VCL: variants seen among roughly 807,000 people sequenced by gnomAD.
VCL encodes the protein epididymis luminal protein 114.
A neutral mutation model predicts 125.7 loss-of-function variants in VCL; 47 were observed. The ratio of observed to expected loss-of-function variants is 0.37; its 90% CI spans 0.30 to 0.48. The LOEUF (loss-of-function observed/expected upper bound fraction) is 0.48, where lower values mean the gene tolerates loss of function less well. Ranked by LOEUF, VCL falls within the 20% of genes least tolerant of loss-of-function variation. The pLI is 0.99. For synonymous variants in VCL, 458 were observed against 514.6 expected (o/e 0.89, Z 1.49); for missense variants, 1,069 against 1,455.5 (o/e 0.73, Z 4.32).
intron 2 of VCL, among the ~76,000 whole-genome samples, chr10:74,064,986 A>G (rs1167552837): frequency 6.6e-6 from 1 of 152,156 alleles, no homozygotes; most frequent in African/African-American, 2.4e-5. Context: ...AATAAATCAC[A>G]GTGACAATTA....
chr10:74,098,088 T>A (rs887845088), intron 13 of VCL, among the ~76,000 whole-genome samples: 6 of 152,210 alleles, frequency 3.9e-5, no homozygotes, highest in African/African-American at 1.4e-4. Flanking sequence ...TCCATTTCTT[T>A]GCTCTCGTGT....
intron 13 of VCL, among the ~76,000 whole-genome samples, chr10:74,099,219 G>C (rs1356887105): frequency 6.6e-6 from 1 of 152,138 alleles, no homozygotes; most frequent in Non-Finnish European, 1.5e-5. Context: ...CCAGGGCTCT[G>C]TGATCTAGCT....
chr10:74,024,064 G>A (rs1306211478), intron 1 of VCL, among the ~76,000 whole-genome samples: 1 of 152,136 alleles, frequency 6.6e-6, no homozygotes, highest in East Asian at 1.9e-4. Flanking sequence ...TCTTTTCTAT[G>A]AGCATTTTAA....
chr10:74,113,087 G>C (rs1439115791), intron 19 of VCL, among the ~76,000 whole-genome samples: 1 of 152,210 alleles, frequency 6.6e-6, no homozygotes. Flanking sequence ...CTCTTGCAGA[G>C]CACCCTGCAG....
intron 1 of VCL, among the ~76,000 whole-genome samples, chr10:74,017,316 G>T (rs1840565880): frequency 6.6e-6 from 1 of 152,018 alleles, no homozygotes; most frequent in East Asian, 1.9e-4. Context: ...CAAAGTGCTG[G>T]GATTACAGGC....
intron 13 of VCL, among the ~76,000 whole-genome samples, chr10:74,098,047 G>A (rs190081255): frequency 2.2e-4 from 34 of 152,260 alleles, no homozygotes; most frequent in Admixed American, 2.0e-3. Flanking sequence ...CGGTACAGGT[G>A]GCTTTAGCAC....
chr10:74,097,192 A>T lies in VCL; in HGVS notation c.1744-12A>T. ...TATCTGGACATTTTCATATGTAAAC[A>T]ATGTTTTTAAGGATCTAAAAGCTCG... On this transcript the variant is annotated splice_polypyrimidine_tract_variant and intron_variant, in intron 12 of 21. Coordinates refer to ENST00000211998, the MANE Select transcript of VCL (RefSeq NM_014000.3). This position sits in a 1 kb window ranked among gnomAD's most constrained non-coding sequence, Gnocchi z 4.1. 1 of 1,613,282 alleles carries T rather than the reference A, an allele frequency of 6.2e-7. No individual in the cohort carries two copies. Among genetic ancestry groups the T allele is most frequent in the Non-Finnish European group, 8.5e-7 (1 of 1,179,614 alleles).
At chr10:74,025,870 T>G (rs1840762655) in intron 1 of VCL, among the ~76,000 whole-genome samples, 1 of 151,412 alleles carries the variant, frequency 6.6e-6, no homozygotes, top group South Asian at 2.1e-4. Flanking sequence ...AGGTTAAGAG[T>G]GGAAGTTTAA....
At chr10:74,081,134 G>T (rs1190299205) in intron 6 of VCL, among the ~76,000 whole-genome samples, 1 of 149,964 alleles carries the variant, frequency 6.7e-6, no homozygotes, top group African/African-American at 2.5e-5. Flanking sequence ...CAATTTTTTT[G>T]GTAATTTAGT....
chr10:74,004,551 G>A (rs1401354820), intron 1 of VCL, among the ~76,000 whole-genome samples: 1 of 152,154 alleles, frequency 6.6e-6, no homozygotes, highest in Non-Finnish European at 1.5e-5. Context: ...CAGGAATGCT[G>A]TTAGTCATAG....
rs372699157 is a variant in VCL, at chr10:74,097,760, A to C, written c.1872+428A>C. Among the ~76,000 whole-genome samples, 8 of 152,314 alleles carry C rather than the reference A, an allele frequency of 5.3e-5. No individual in the cohort carries two copies. The East Asian group carries it at 5.8e-4, about 11-fold the overall frequency. ...CAGTCACAACTGTGCCTTTCGAGTC[A>C]GGATGATCTTTTTAAATCAATCGAT... On this transcript the variant is annotated intron_variant, in intron 13 of 21. Transcript: ENST00000211998. The surrounding 1 kb of genome is among the most constrained non-coding windows in gnomAD (Gnocchi z 4.1).
intron 1 of VCL, among the ~76,000 whole-genome samples, chr10:74,010,551 A>AT (rs1019231738): frequency 4.0e-5 from 6 of 151,834 alleles, no homozygotes; most frequent in African/African-American, 1.5e-4. Flanking sequence ...GATTTGCATC[A>AT]TTTTTTCTTG....
Position 74,118,126 on chromosome 10 carries a change from G to C in VCL, c.3362G>C (p.Gly1121Ala). Reference protein sequence around the residue: ...AASIKIRTDAGFTLRWVRKTP... With the variant: ...AASIKIRTDAAFTLRWVRKTP... ...TCAATCAAAATTCGAACAGATGCTG[G>C]ATTTACACTGCGCTGGGTTAGAAAG... The change falls in exon 22 of 22, where the codon GGA becomes GCA. Residue 1121 changes from glycine (G) to alanine (A), a missense_variant. By Grantham distance (60) the Gly-to-Ala change is moderately conservative. Coordinates refer to ENST00000211998, the MANE Select transcript of VCL (RefSeq NM_014000.3). The C allele has an allele frequency of 6.2e-7, 1 of 1,614,140 alleles. No homozygotes were observed. The highest frequency in any genetic ancestry group is 8.5e-7 in the Non-Finnish European group (1 of 1,180,022).
chr10:73,998,126 C>G lies in VCL; in HGVS notation c.-82C>G, dbSNP rs1840149156. ...AAGCCCCGACTCCGTAGTCGCTGCA[C>G]AGTCTGTCTCTTCGCCGGTTCCCGG... On this transcript the variant is annotated 5_prime_UTR_variant, in exon 1 of 22. Coordinates refer to ENST00000211998, the MANE Select transcript of VCL (RefSeq NM_014000.3). 6.4e-7 allele frequency: 1 copy of G among 1,560,314 alleles called. No individual in the cohort carries two copies. The highest frequency in any genetic ancestry group is 1.7e-4 in the Middle Eastern group (1 of 5,982).
intron 18 of VCL, among the ~76,000 whole-genome samples, chr10:74,109,601 G>A (rs10824070): frequency 0.05 from 7,448 of 150,006 alleles, 575 homozygotes; most frequent in African/African-American, 0.16. Context: ...GAAGCAAGTA[G>A]ATTGGTATCT....
chr10:74,072,942 TTTC>T (rs1839511197), intron 5 of VCL, 90 bp downstream of exon 5: 1 of 1,572,066 alleles, frequency 6.4e-7, no homozygotes, highest in Non-Finnish European at 8.6e-7. Context: ...TTTGTTTTCT[TTTC>T]TTTTTTTTTT....
chr10:74,062,693 T>C (rs1399082323), intron 2 of VCL, among the ~76,000 whole-genome samples: 1 of 151,494 alleles, frequency 6.6e-6, no homozygotes, highest in Non-Finnish European at 1.5e-5. Flanking sequence ...CAAGTGATTC[T>C]CCCACTTTAG....
intron 1 of VCL, among the ~76,000 whole-genome samples, chr10:74,010,951 C>T (rs918005781): frequency 9.2e-5 from 14 of 151,740 alleles, no homozygotes; most frequent in African/African-American, 2.7e-4. Context: ...AGGTGGATCA[C>T]CTGAGGTCAG....
At chr10:74,032,181 G>A (rs933448453) in intron 1 of VCL, among the ~76,000 whole-genome samples, 5 of 148,554 alleles carry the variant, frequency 3.4e-5, no homozygotes, top group Admixed American at 6.7e-5. Flanking sequence ...TAGAGGCTGT[G>A]GTGAGCTGTG....
Sources: gnomAD v4.1 joint callset for allele counts (sites outside exome capture counted in the v4.1 genomes callset) on GRCh38, gnomAD v4.1.1 for gene constraint, Gnocchi (gnomAD v3.1) non-coding constraint, MANE v1.5 for transcripts, NCBI Gene and HGNC (gene_info 2026-07-23, HGNC 2026-07-21) for gene names.